ABCA13: variants seen among roughly 807,000 people sequenced by gnomAD.
ABCA13 encodes ATP binding cassette subfamily A member 13, also known as ATP-binding cassette sub-family A member 13.
ABCA13 carries 476 observed loss-of-function variants against 478.7 expected under a neutral mutation model. That is an observed-to-expected ratio of 0.99 (90% CI 0.92 to 1.07). ABCA13 has a LOEUF of 1.07. ABCA13 is among the 50% of genes least tolerant of loss of function. The pLI, the probability that ABCA13 is intolerant of heterozygous loss-of-function variation, is 0.00. For missense variants in ABCA13, 6,060 were observed against 5,910.6 expected (o/e 1.03, Z -0.83); for synonymous variants, 2,252 against 2,158.9 (o/e 1.04, Z -1.20).
intron 59 of ABCA13, among the ~76,000 whole-genome samples, chr7:48,619,273 C>T (rs188220643): frequency 1.3e-5 from 2 of 151,922 alleles, no homozygotes; most frequent in East Asian, 1.9e-4. Context: ...CTATGGATAA[C>T]CTAAAGCTCT....
Position 48,272,917 on chromosome 7 carries a change from G to A in ABCA13, c.3251G>A (p.Ser1084Asn), listed in dbSNP as rs1482448695. 1 of 1,612,422 alleles carries A rather than the reference G, an allele frequency of 6.2e-7. No homozygotes were observed. The highest frequency in any genetic ancestry group is 1.7e-5 in the Admixed American group (1 of 59,802). Residue 1084 changes from serine to asparagine, a missense_variant, in exon 17 of 62, where the codon AGC (serine) becomes AAC (asparagine). Coordinates refer to ENST00000435803, the MANE Select transcript of ABCA13 (RefSeq NM_152701.5). ...CGTATTTCTTTATTTCAATATATGA[G>A]CCAATTCTTCAACAGTTCAGTAGAA... ...DFRISLFQYMSQFFNSSVEDL... is the reference protein window; with the variant it reads ...DFRISLFQYMNQFFNSSVEDL...
At chr7:48,548,260 A>G (rs574732826) in intron 55 of ABCA13, among the ~76,000 whole-genome samples, 1 of 152,018 alleles carries the variant, frequency 6.6e-6, no homozygotes, top group African/African-American at 2.4e-5. Flanking sequence ...CATCTTGGGT[A>G]CAGTCTTTGT....
At chr7:48,479,041 G>C (rs906983424) in intron 45 of ABCA13, among the ~76,000 whole-genome samples, 2 of 144,326 alleles carry the variant, frequency 1.4e-5, no homozygotes, top group Admixed American at 7.0e-5. Flanking sequence ...TCCGCCTCCT[G>C]GGTTCACGCC....
intron 5 of ABCA13, among the ~76,000 whole-genome samples, chr7:48,224,907 C>T (rs527809200): frequency 4.3e-4 from 66 of 152,280 alleles, no homozygotes; most frequent in African/African-American, 1.5e-3. Flanking sequence ...CCTGAATAAG[C>T]CACCTATATA....
intron 24 of ABCA13, among the ~76,000 whole-genome samples, chr7:48,310,831 C>T (rs1801671250): frequency 6.6e-6 from 1 of 152,132 alleles, no homozygotes; most frequent in African/African-American, 2.4e-5. Context: ...TCCGGACGGG[C>T]CCAGAACCCA....
intron 55 of ABCA13, among the ~76,000 whole-genome samples, chr7:48,551,073 T>C (rs1785279382): frequency 6.6e-6 from 1 of 151,956 alleles, no homozygotes; most frequent in East Asian, 1.9e-4. Context: ...TATTGATGTA[T>C]TTTTCTTTTA....
intron 29 of ABCA13, among the ~76,000 whole-genome samples, chr7:48,339,495 G>A (rs772745587): frequency 9.2e-5 from 14 of 152,274 alleles, no homozygotes; most frequent in East Asian, 1.9e-4. Context: ...CTGAGTTTGC[G>A]TCTACCATGG....
intron 20 of ABCA13, among the ~76,000 whole-genome samples, chr7:48,294,738 GC>G (rs1450722254): frequency 3.9e-5 from 6 of 152,090 alleles, no homozygotes; most frequent in Admixed American, 3.9e-4. Flanking sequence ...GAGCCACCGC[GC>G]CCGGCCCGTT....
At position 48,427,825 on chromosome 7, in the gene ABCA13, G is replaced by A; in HGVS notation, c.12519G>A (p.Glu4173=). The A allele has an allele frequency of 6.2e-7, 1 of 1,613,140 alleles. No individual in the cohort carries two copies. The highest frequency in any genetic ancestry group is 2.2e-5 in the East Asian group (1 of 44,846). The change falls in exon 42 of 62, where the codon GAG becomes GAA. Residue 4173 remains glutamate, a synonymous_variant. Coordinates refer to ENST00000435803, the MANE Select transcript of ABCA13 (RefSeq NM_152701.5). ...NKKSHIALGT[E]SELQNHRPTG... Reference sequence around the variant, plus strand: ...AATCTCACATTGCCCTGGGGACTGAGTCAGAGCTGCAGAACCACAGGCCTA... The same window carrying A: ...AATCTCACATTGCCCTGGGGACTGAATCAGAGCTGCAGAACCACAGGCCTA...
chr7:48,540,114 T>G (rs1833856674), intron 55 of ABCA13, among the ~76,000 whole-genome samples: 1 of 152,120 alleles, frequency 6.6e-6, no homozygotes, highest in Non-Finnish European at 1.5e-5. Flanking sequence ...CTCTCTCAAG[T>G]GTTTCCTTGA....
At position 48,278,562 on chromosome 7, in the gene ABCA13, G is replaced by A; in HGVS notation, c.7368G>A (p.Leu2456=). 1 of 1,613,914 alleles carries A rather than the reference G, an allele frequency of 6.2e-7. No individual in the cohort carries two copies. Among genetic ancestry groups the A allele is most frequent in the South Asian group, 1.1e-5 (1 of 91,066 alleles). The change falls in exon 18 of 62, where the codon TTG becomes TTA. Residue 2456 remains leucine (L), a synonymous_variant. Coordinates refer to ENST00000435803, the MANE Select transcript of ABCA13 (RefSeq NM_152701.5). Reference sequence around the variant, plus strand: ...TTATACTTGCTAATCTAACGGATTTGCTTTTCTTTATAAATAATTCATTCC... The same window carrying A: ...TTATACTTGCTAATCTAACGGATTTACTTTTCTTTATAAATAATTCATTCC... The part of the protein sequence containing the change: ...QEVILANLTD[L]LFFINNSFPL...
intron 31 of ABCA13, among the ~76,000 whole-genome samples, chr7:48,362,941 A>T (rs771788128): frequency 1.3e-5 from 2 of 152,154 alleles, no homozygotes; most frequent in Non-Finnish European, 2.9e-5. Context: ...TCTCTAACTC[A>T]TTCCCCATTA....
intron 37 of ABCA13, among the ~76,000 whole-genome samples, chr7:48,391,436 T>C (rs181655919): frequency 8.5e-5 from 13 of 152,336 alleles, no homozygotes; most frequent in Admixed American, 7.2e-4. Context: ...TGAGGACTCA[T>C]ACAGCCATTC....
At chr7:48,580,111 A>G in intron 55 of ABCA13, 113 bp from the exon 56 acceptor site, 2 of 1,130,396 alleles carry the variant, frequency 1.8e-6, no homozygotes, top group South Asian at 3.7e-5. Context: ...GAAATGAACT[A>G]ATTGTTTTAA....
At chr7:48,210,867 G>A (rs1785548962) in intron 3 of ABCA13, among the ~76,000 whole-genome samples, 1 of 152,094 alleles carries the variant, frequency 6.6e-6, no homozygotes, top group African/African-American at 2.4e-5. Flanking sequence ...TTCATCTATA[G>A]TGTAGATAAA....
intron 48 of ABCA13, among the ~76,000 whole-genome samples, chr7:48,500,324 A>G (rs1450048262): frequency 1.3e-5 from 2 of 152,128 alleles, no homozygotes; most frequent in Non-Finnish European, 2.9e-5. Context: ...TGCCGTTGCA[A>G]TTGCTCCTAC....
intron 48 of ABCA13, among the ~76,000 whole-genome samples, chr7:48,505,921 A>G (rs1831164519): frequency 2.0e-5 from 3 of 152,208 alleles, no homozygotes; most frequent in Non-Finnish European, 2.9e-5. Flanking sequence ...TTATCTATCT[A>G]TCTAGATGTG....
chr7:48,211,339 A>T (rs1785625004), intron 3 of ABCA13, among the ~76,000 whole-genome samples: 1 of 152,224 alleles, frequency 6.6e-6, no homozygotes, highest in Non-Finnish European at 1.5e-5. Flanking sequence ...TAGCTGTTTC[A>T]TTCCTAAGCC....
At chr7:48,477,567 A>G (rs1828258789) in intron 45 of ABCA13, among the ~76,000 whole-genome samples, 1 of 152,200 alleles carries the variant, frequency 6.6e-6, no homozygotes, top group South Asian at 2.1e-4. Flanking sequence ...GCCATAAAAA[A>G]TAATGAGTTC....
Sources: gnomAD v4.1 joint callset for allele counts (sites outside exome capture counted in the v4.1 genomes callset) on GRCh38, gnomAD v4.1.1 for gene constraint, MANE v1.5 for transcripts, NCBI Gene and HGNC (gene_info 2026-07-23, HGNC 2026-07-21) for gene names.